Variants in TSHR observed in about 807,000 individuals in gnomAD.
TSHR encodes thyrotropin receptor.
Under a neutral mutation model 64.1 loss-of-function variants are expected in TSHR, and 51 were observed. The ratio of observed to expected loss-of-function variants is 0.80; its 90% CI spans 0.64 to 1.01. TSHR has a LOEUF of 1.01. TSHR is among the 50% of genes least tolerant of loss of function. The probability of loss-of-function intolerance (pLI) is 0.00; values close to 1 mark genes in which losing one functional copy is unlikely to be tolerated. For missense variants in TSHR, 877 were observed against 942.8 expected, an observed-to-expected ratio of 0.93 and a Z score of 0.91; for synonymous variants, 361 against 361.9, an observed-to-expected ratio of 1.00 and a Z score of 0.03.
chr14:81,111,869 T>C (rs1440461892), intron 8 of TSHR, among the ~76,000 whole-genome samples: 1 of 152,210 alleles, frequency 6.6e-6, no homozygotes, highest in Non-Finnish European at 1.5e-5. Context: ...CTGTAAACAT[T>C]ATAGCACTTA....
At chr14:81,105,699 A>G (rs552454312) in intron 7 of TSHR, among the ~76,000 whole-genome samples, 17 of 152,294 alleles carry the variant, frequency 1.1e-4, no homozygotes, top group South Asian at 2.1e-4. Flanking sequence ...TTGGACAAGC[A>G]ATAATTTAGT....
intron 1 of TSHR, among the ~76,000 whole-genome samples, chr14:80,956,807 A>G (rs566067479): frequency 6.6e-6 from 1 of 152,340 alleles, no homozygotes; most frequent in Admixed American, 6.5e-5. Context: ...ATATTTGAGC[A>G]CAGAGATATA....
Position 81,091,124 on chromosome 14 carries a change from A to G in TSHR, c.448A>G (p.Thr150Ala). ...CCCTGACCTGACCAAAGTTTATTCCACTGATATATTCTTTATACTGTAAGT... is the reference window on the plus strand; with the variant it reads ...CCCTGACCTGACCAAAGTTTATTCCGCTGATATATTCTTTATACTGTAAGT... ...MFPDLTKVYSTDIFFILEITD... is the reference protein window; with the variant it reads ...MFPDLTKVYSADIFFILEITD... Residue 150 changes from threonine to alanine, a missense_variant, in exon 5 of 10, where the codon ACT (threonine) becomes GCT (alanine). Coordinates refer to ENST00000298171, the MANE Select transcript of TSHR (RefSeq NM_000369.5). The G allele has an allele frequency of 6.2e-7, 1 of 1,612,208 alleles. No homozygotes were observed. The highest frequency in any genetic ancestry group is 8.5e-7 in the Non-Finnish European group (1 of 1,179,758).
intron 3 of TSHR, among the ~76,000 whole-genome samples, chr14:81,074,058 T>C (rs535006575): frequency 6.6e-6 from 1 of 152,296 alleles, no homozygotes; most frequent in South Asian, 2.1e-4. Flanking sequence ...AGTTGTTATT[T>C]ATAAGTTTTT....
intron 1 of TSHR, among the ~76,000 whole-genome samples, chr14:81,045,468 T>C (rs2139855321): frequency 6.6e-6 from 1 of 152,274 alleles, no homozygotes; most frequent in East Asian, 1.9e-4. Flanking sequence ...GGTGCCATGG[T>C]GGTTTGCTGC....
intron 8 of TSHR, among the ~76,000 whole-genome samples, chr14:81,114,196 C>T (rs1165612939): frequency 6.6e-6 from 1 of 150,966 alleles, no homozygotes; most frequent in African/African-American, 2.4e-5. Flanking sequence ...CGAATAGGAA[C>T]AGCTCCGGTC....
At chr14:81,105,304 T>C (rs1889822725) in intron 7 of TSHR, 1 of 898,782 alleles carries the variant, frequency 1.1e-6, no homozygotes. Context: ...AAGGCTTCTG[T>C]ATATGTATTT....
intron 1 of TSHR, among the ~76,000 whole-genome samples, chr14:81,037,233 T>C (rs1379609352): frequency 2.0e-5 from 3 of 151,728 alleles, no homozygotes; most frequent in South Asian, 2.1e-4. Flanking sequence ...TAAGTTATTA[T>C]CAACTTAAAT....
intron 9 of TSHR, among the ~76,000 whole-genome samples, chr14:81,140,371 G>T (rs1258364263): frequency 6.6e-6 from 1 of 152,134 alleles, no homozygotes; most frequent in Non-Finnish European, 1.5e-5. Flanking sequence ...CATTTTTCAA[G>T]CTGTGTTATC....
chr14:81,005,797 A>G (rs928288516), intron 1 of TSHR, among the ~76,000 whole-genome samples: 9 of 152,252 alleles, frequency 5.9e-5, no homozygotes, highest in African/African-American at 1.9e-4. Flanking sequence ...GATTAACAGC[A>G]GATAAAAGTT....
At position 81,036,196 on chromosome 14, in the gene TSHR, C is replaced by T. The variant is rs113015028; in HGVS notation, c.171-25952C>T. On this transcript the variant is annotated intron_variant, in intron 1 of 9. Transcript: ENST00000298171. The stretch of plus-strand genomic sequence containing the variant: ...TTAAAAAAACAACAGTTAAAAACTT[C>T]CCACGTCTTTGGAGAGATATGTACA... Among the ~76,000 whole-genome samples, 855 of 152,292 alleles carry T rather than the reference C, an allele frequency of 5.6e-3. 9 individuals carry two copies. The highest frequency in any genetic ancestry group is 0.031 in the Middle Eastern group (9 of 294).
At chr14:81,011,031 C>T (rs1216940715) in intron 1 of TSHR, among the ~76,000 whole-genome samples, 2 of 152,148 alleles carry the variant, frequency 1.3e-5, no homozygotes, top group Non-Finnish European at 2.9e-5. Flanking sequence ...ATCTTACTGT[C>T]GCTCTCTTGA....
intron 1 of TSHR, among the ~76,000 whole-genome samples, chr14:80,997,894 G>C (rs951063922): frequency 8.5e-5 from 13 of 152,148 alleles, no homozygotes; most frequent in Non-Finnish European, 1.6e-4. Flanking sequence ...ATAGGAGATT[G>C]TTCATATTTA....
chr14:81,133,888 C>T (rs1192028020), intron 8 of TSHR, among the ~76,000 whole-genome samples: 1 of 151,988 alleles, frequency 6.6e-6, no homozygotes, highest in African/African-American at 2.4e-5. Flanking sequence ...ACATTTCATC[C>T]CTATCACTAT....
At chr14:81,011,817 G>A (rs989128423) in intron 1 of TSHR, among the ~76,000 whole-genome samples, 2 of 151,902 alleles carry the variant, frequency 1.3e-5, no homozygotes, top group East Asian at 1.9e-4. Flanking sequence ...CCGAGATCGC[G>A]CCACTGCACT....
intron 1 of TSHR, chr14:81,050,248 G>C (rs181726526): frequency 3.3e-5 from 5 of 152,274 alleles, no homozygotes; most frequent in African/African-American, 1.2e-4. Context: ...TTCCCAACCG[G>C]TCTATGTCCA....
intron 3 of TSHR, among the ~76,000 whole-genome samples, chr14:81,076,370 T>G (rs185787926): frequency 2.0e-5 from 3 of 152,262 alleles, no homozygotes; most frequent in African/African-American, 7.2e-5. Flanking sequence ...TAACTTCTCC[T>G]GCTATGTGAT....
At chr14:81,002,235 G>A (rs58241131) in intron 1 of TSHR, among the ~76,000 whole-genome samples, 49,911 of 151,904 alleles carry the variant, frequency 0.33, 8,629 homozygotes, top group East Asian at 0.56. Flanking sequence ...GGCCCCAAAA[G>A]TTTCTGGGTA....
chr14:81,055,995 T>C (rs1417170538), intron 1 of TSHR, among the ~76,000 whole-genome samples: 1 of 152,046 alleles, frequency 6.6e-6, no homozygotes, highest in Admixed American at 6.6e-5. Flanking sequence ...TTTGGCTGTG[T>C]CCCCACCCAA....
Sources: allele counts gnomAD v4.1 joint callset (sites outside exome capture counted in the v4.1 genomes callset), GRCh38; gene constraint gnomAD v4.1.1; transcripts MANE v1.5; gene names NCBI Gene and HGNC (gene_info 2026-07-23, HGNC 2026-07-21).